DGKI: variants seen among roughly 807,000 people sequenced by gnomAD.
DGKI encodes the protein diacylglycerol kinase iota.
DGKI carries 55 observed loss-of-function variants against 147.5 expected under a neutral mutation model. The ratio of observed to expected loss-of-function variants is 0.37; its 90% CI spans 0.30 to 0.47. The LOEUF is 0.47. Ranked by LOEUF, DGKI falls within the 20% of genes least tolerant of loss-of-function variation. The probability of loss-of-function intolerance (pLI) is 1.00; values close to 1 mark genes in which losing one functional copy is unlikely to be tolerated. For missense variants in DGKI, 1,007 were observed against 1,323.8 expected (o/e 0.76, Z 3.71); for synonymous variants, 469 against 477.1 (o/e 0.98, Z 0.22).
chr7:137,732,658 C>G (rs1794917009), intron 1 of DGKI, among the ~76,000 whole-genome samples: 1 of 152,018 alleles, frequency 6.6e-6, no homozygotes, highest in Admixed American at 6.6e-5. Flanking sequence ...ACAACTTTGG[C>G]TATTTGGAAA....
chr7:137,661,861 C>T (rs1221875137), intron 3 of DGKI, among the ~76,000 whole-genome samples: 1 of 152,160 alleles, frequency 6.6e-6, no homozygotes, highest in Non-Finnish European at 1.5e-5. Context: ...GGGGAGGAAC[C>T]TTCCTAAGCT....
rs1289966224 is a variant in DGKI at position 137,389,922 on chromosome 7, A to T, written c.*1298T>A. ...TTAAGTACGACCTTTGGACCTGACA[A>T]ATAATAGTTGAAGCATCCTTCTGAA... On this transcript the variant is annotated 3_prime_UTR_variant, in exon 33 of 33. Transcript: ENST00000614521. 1 of 152,204 alleles carries T rather than the reference A, an allele frequency of 6.6e-6. No individual in the cohort carries two copies. The highest frequency in any genetic ancestry group is 1.5e-5 in the Non-Finnish European group (1 of 68,042). 9.4% of individuals were successfully genotyped at this position (152,204 alleles called of 1,614,324 possible).
intron 6 of DGKI, among the ~76,000 whole-genome samples, chr7:137,638,507 T>C (rs1232262357): frequency 8.4e-6 from 1 of 119,732 alleles, no homozygotes; most frequent in Non-Finnish European, 1.7e-5. Flanking sequence ...TATATGTATA[T>C]ATATGTGTGT....
Position 137,382,314 on chromosome 7 carries a change from A to T in DGKI, c.*8906T>A, listed in dbSNP as rs1477881413. On this transcript the variant is annotated 3_prime_UTR_variant, in exon 33 of 33. Coordinates refer to ENST00000614521, the MANE Select transcript of DGKI (RefSeq NM_001321708.2). Reference sequence around the variant, plus strand: ...TGAATTTTTAAGTGAATATATTGAGATTTGTGGGAAAAAACCCTAAATATT... The same window carrying T: ...TGAATTTTTAAGTGAATATATTGAGTTTTGTGGGAAAAAACCCTAAATATT... The T allele has an allele frequency of 4.3e-5, 6 of 139,900 alleles. No homozygotes were observed. The highest frequency in any genetic ancestry group is 2.8e-4 in the Admixed American group (4 of 14,408). The allele number at this position is 139,900 out of a possible 1,614,324, so 8.7% of individuals were successfully genotyped here. A position where few individuals can be genotyped will look rare whatever the true frequency, so the allele number is the denominator to read the frequency against.
intron 21 of DGKI, among the ~76,000 whole-genome samples, chr7:137,519,352 A>G (rs1158076884): frequency 1.3e-5 from 2 of 152,078 alleles, no homozygotes; most frequent in African/African-American, 4.8e-5. Flanking sequence ...AACAATGAGC[A>G]AGATTCTGCT....
At chr7:137,571,316 A>G (rs1422247656) in intron 18 of DGKI, 30 bp from the exon 19 acceptor site, 2 of 1,475,686 alleles carry the variant, frequency 1.4e-6, no homozygotes, top group African/African-American at 1.4e-5. Flanking sequence ...ACAGAAGTAA[A>G]TATGTCCCAT....
intron 1 of DGKI, among the ~76,000 whole-genome samples, chr7:137,730,048 A>G (rs1389849121): frequency 6.6e-6 from 1 of 152,030 alleles, no homozygotes; most frequent in Non-Finnish European, 1.5e-5. Context: ...GTTTTTCTCT[A>G]TGTCTCATTT....
chr7:137,447,975 C>T (rs1323086290), intron 27 of DGKI, among the ~76,000 whole-genome samples: 2 of 152,104 alleles, frequency 1.3e-5, no homozygotes, highest in African/African-American at 2.4e-5. Flanking sequence ...AGGAAATACC[C>T]TCTTTGATTA....
intron 32 of DGKI, 108 bp downstream of exon 32, chr7:137,395,490 C>T (rs1465623317): frequency 7.1e-6 from 7 of 985,558 alleles, no homozygotes; most frequent in South Asian, 3.0e-5. Flanking sequence ...AAGCCCCAGG[C>T]ACTTCCATAA....
At chr7:137,684,526 G>T (rs1021809800) in intron 2 of DGKI, among the ~76,000 whole-genome samples, 1 of 152,256 alleles carries the variant, frequency 6.6e-6, no homozygotes, top group South Asian at 2.1e-4. Flanking sequence ...AGATTAGACC[G>T]AGACACTTCT....
At chr7:137,470,303 C>G (rs2128928394) in intron 23 of DGKI, among the ~76,000 whole-genome samples, 1 of 152,238 alleles carries the variant, frequency 6.6e-6, no homozygotes, top group Admixed American at 6.5e-5. Context: ...TCCCAATTTC[C>G]CCTCTCCTAT....
intron 22 of DGKI, among the ~76,000 whole-genome samples, chr7:137,486,198 C>T (rs765579768): frequency 6.6e-6 from 1 of 152,016 alleles, no homozygotes; most frequent in Non-Finnish European, 1.5e-5. Flanking sequence ...TGTTGAGTTG[C>T]CTCTTTTTTA....
intron 26 of DGKI, 137 bp from the exon 27 acceptor site, chr7:137,463,748 C>T (rs1396657489): frequency 6.6e-6 from 6 of 906,166 alleles, no homozygotes; most frequent in Non-Finnish European, 9.8e-6. Context: ...CCAGATACTA[C>T]CCATTTATTA....
chr7:137,741,699 G>C (rs1795177219), intron 1 of DGKI, among the ~76,000 whole-genome samples: 1 of 152,160 alleles, frequency 6.6e-6, no homozygotes, highest in Admixed American at 6.5e-5. Context: ...GAATCACTGA[G>C]AATGACAGTA....
At chr7:137,544,760 G>T (rs1244816691) in intron 20 of DGKI, among the ~76,000 whole-genome samples, 1 of 151,854 alleles carries the variant, frequency 6.6e-6, no homozygotes, top group Non-Finnish European at 1.5e-5. Context: ...GAACATGGCT[G>T]GGAACACAAG....
intron 27 of DGKI, among the ~76,000 whole-genome samples, chr7:137,461,550 T>G (rs770428373): frequency 6.6e-6 from 1 of 152,216 alleles, no homozygotes; most frequent in East Asian, 1.9e-4. Flanking sequence ...GTAAGGCATC[T>G]GGTTTAGTTT....
intron 1 of DGKI, among the ~76,000 whole-genome samples, chr7:137,746,686 A>C (rs899145292): frequency 1.3e-5 from 2 of 152,158 alleles, no homozygotes; most frequent in African/African-American, 4.8e-5. Context: ...CGAGCTAAGA[A>C]CTAGCAGAAA....
intron 1 of DGKI, among the ~76,000 whole-genome samples, chr7:137,803,878 C>A (rs1163057066): frequency 2.0e-5 from 3 of 152,228 alleles, no homozygotes; most frequent in Admixed American, 2.0e-4. Flanking sequence ...CCATCCCTAA[C>A]ACCCGCTCAC....
intron 1 of DGKI, among the ~76,000 whole-genome samples, chr7:137,833,864 G>A (rs894522397): frequency 2.0e-5 from 3 of 152,170 alleles, no homozygotes; most frequent in African/African-American, 7.2e-5. Flanking sequence ...CACACAAGAG[G>A]ACAGAGGTCA....
Sources: allele counts gnomAD v4.1 joint callset (sites outside exome capture counted in the v4.1 genomes callset), GRCh38; gene constraint gnomAD v4.1.1; transcripts MANE v1.5; gene names NCBI Gene and HGNC (gene_info 2026-07-23, HGNC 2026-07-21).